NBAS: variants seen among roughly 807,000 people sequenced by gnomAD.
NBAS encodes NAG/BC035112 fusion.
A neutral mutation model predicts 302.5 loss-of-function variants in NBAS; 219 were observed. The observed-to-expected ratio is 0.72, with a 90% confidence interval of 0.65 to 0.81. NBAS has a LOEUF of 0.81. Among genes scored for constraint, NBAS ranks in the 30% least tolerant of loss-of-function variants. The pLI is 0.00. For missense variants in NBAS, 2,932 were observed against 2,841.6 expected (o/e 1.03, Z -0.72); for synonymous variants, 1,118 against 1,021.6 (o/e 1.09, Z -1.80).
chr2:15,553,861 T>C (rs1573009068), intron 4 of NBAS, among the ~76,000 whole-genome samples, 200 bp downstream of exon 4: 1 of 74,444 alleles, frequency 1.3e-5, no homozygotes, highest in African/African-American at 3.9e-5. Flanking sequence ...TCTCCCTCCC[T>C]CCCTCTCTCC....
intron 8 of NBAS, among the ~76,000 whole-genome samples, chr2:15,535,121 T>C (rs923613962): frequency 6.6e-6 from 1 of 152,160 alleles, no homozygotes; most frequent in African/African-American, 2.4e-5. Flanking sequence ...AAAGAAGACT[T>C]AGATAAAAGA....
the NBAS span, among the ~76,000 whole-genome samples, chr2:14,840,706 G>GA: frequency 6.6e-6 from 1 of 150,998 alleles, no homozygotes; most frequent in Non-Finnish European, 1.5e-5. Context: ...GTAAATGAGA[G>GA]AAAAAATCTT....
chr2:15,097,252 G>C, the NBAS span, among the ~76,000 whole-genome samples: 2 of 152,122 alleles, frequency 1.3e-5, no homozygotes, highest in East Asian at 3.9e-4. Context: ...ACAGCTGCTG[G>C]GGTGGGGGAC....
intron 36 of NBAS, among the ~76,000 whole-genome samples, chr2:15,330,296 T>C (rs1247538677): frequency 6.6e-6 from 1 of 152,190 alleles, no homozygotes; most frequent in Admixed American, 6.5e-5. Context: ...TACCAGTCTG[T>C]AGAAATAATA....
chr2:15,396,253 G>A (rs1485030005), intron 27 of NBAS, among the ~76,000 whole-genome samples, 160 bp downstream of exon 27: 1 of 152,018 alleles, frequency 6.6e-6, no homozygotes, highest in Admixed American at 6.6e-5. Flanking sequence ...TACAATAGGG[G>A]TGCAGTGTAT....
chr2:15,379,734 G>T lies in NBAS; in HGVS notation c.3458C>A (p.Ala1153Asp). Reference sequence around the variant, plus strand: ...GGGTTTCCCTTTATGGGCTATACCAGCTGGAGGATTTTCTGAACAAGCACT... The same window carrying T: ...GGGTTTCCCTTTATGGGCTATACCATCTGGAGGATTTTCTGAACAAGCACT... ...HCSACSENPP[A>D]GIAHKGKPHY... Residue 1153 changes from alanine to aspartate, a missense_variant, in exon 30 of 52, where the codon GCT becomes GAT. Coordinates refer to ENST00000281513, the MANE Select transcript of NBAS (RefSeq NM_015909.4). 6.2e-7 allele frequency: 1 copy of T among 1,614,048 alleles called. No homozygotes were observed. The highest frequency in any genetic ancestry group is 8.5e-7 in the Non-Finnish European group (1 of 1,180,000).
chr2:14,926,752 T>G, the NBAS span, among the ~76,000 whole-genome samples: 1 of 152,170 alleles, frequency 6.6e-6, no homozygotes, highest in Admixed American at 6.5e-5. Context: ...CCTGTACCCA[T>G]GAAACACCAA....
At chr2:15,294,427 A>G (rs1193830359) in intron 40 of NBAS, among the ~76,000 whole-genome samples, 1 of 152,232 alleles carries the variant, frequency 6.6e-6, no homozygotes, top group Non-Finnish European at 1.5e-5. Flanking sequence ...GCATATAAAC[A>G]GTATTCCTGG....
intron 35 of NBAS, among the ~76,000 whole-genome samples, chr2:15,335,098 A>C (rs576854106): frequency 1.3e-5 from 2 of 149,634 alleles, no homozygotes; most frequent in Non-Finnish European, 3.0e-5. Context: ...GCACTTCGGG[A>C]GGTCAAAGTG....
chr2:15,190,104 C>T (rs1401428638), intron 49 of NBAS, among the ~76,000 whole-genome samples, 160 bp downstream of exon 49: 2 of 152,114 alleles, frequency 1.3e-5, no homozygotes, highest in Admixed American at 1.3e-4. Flanking sequence ...AAAGACATTG[C>T]AATATTTCAA....
chr2:14,936,275 G>T, the NBAS span, among the ~76,000 whole-genome samples: 4 of 152,130 alleles, frequency 2.6e-5, no homozygotes, highest in African/African-American at 9.7e-5. Flanking sequence ...AAATTCTGTT[G>T]GCACAAACTG....
At chr2:15,066,872 A>T in the NBAS span, among the ~76,000 whole-genome samples, 2 of 152,192 alleles carry the variant, frequency 1.3e-5, no homozygotes, top group African/African-American at 4.8e-5. Context: ...CAAAGGAAAT[A>T]AAATCAGAAT....
At chr2:15,533,503 T>C (rs982893108) in intron 9 of NBAS, among the ~76,000 whole-genome samples, 5 of 152,228 alleles carry the variant, frequency 3.3e-5, no homozygotes, top group Non-Finnish European at 2.9e-5. Flanking sequence ...GAGACTTGTA[T>C]GTCTTCTGTG....
intron 34 of NBAS, among the ~76,000 whole-genome samples, chr2:15,353,193 G>A (rs1673450909): frequency 6.6e-6 from 1 of 151,948 alleles, no homozygotes; most frequent in African/African-American, 2.4e-5. Context: ...GATCCCTAAG[G>A]GAATGGTTGC....
chr2:15,343,347 G>A (rs73197072), intron 35 of NBAS, among the ~76,000 whole-genome samples: 2,621 of 152,138 alleles, frequency 0.017, 85 homozygotes, highest in African/African-American at 0.06. Flanking sequence ...CAATACTACA[G>A]AATCATTAGA....
chr2:15,504,809 C>T (rs1379736781), intron 10 of NBAS, among the ~76,000 whole-genome samples: 1 of 152,108 alleles, frequency 6.6e-6, no homozygotes, highest in Admixed American at 6.6e-5. Context: ...TTGGTGGTTC[C>T]TCAAAAACTT....
At position 15,467,345 on chromosome 2, in the gene NBAS, C is replaced by A; in HGVS notation, c.2081G>T (p.Arg694Leu). The A allele has an allele frequency of 6.2e-7, 1 of 1,612,280 alleles. No individual in the cohort carries two copies. Among genetic ancestry groups the A allele is most frequent in the Non-Finnish European group, 8.5e-7 (1 of 1,178,532 alleles). Residue 694 changes from arginine (R) to leucine (L), a missense_variant, in exon 19 of 52, where the codon CGA becomes CTA. Physicochemically the swap from Arg to Leu is moderately radical, Grantham distance 102. Coordinates refer to ENST00000281513, the MANE Select transcript of NBAS (RefSeq NM_015909.4). ...CRRKLLTYLD[R>L]LATYEEILGV... ...ATTCATTACCTCATATGTTGCAAGT[C>A]GATCTAAGTAGGTTAATAACTTCCG...
chr2:15,109,587 G>A, the NBAS span, among the ~76,000 whole-genome samples: 3 of 152,152 alleles, frequency 2.0e-5, no homozygotes, highest in African/African-American at 7.2e-5. Context: ...TCTGGAAGCT[G>A]GAAGGCTCAG....
Position 15,167,085 on chromosome 2 carries a change from A to G in NBAS, c.7079T>C (p.Phe2360Ser). Residue 2360 changes from phenylalanine (F) to serine (S), a missense_variant, in exon 52 of 52, where the codon TTC (phenylalanine) becomes TCC (serine). Coordinates refer to ENST00000281513, the MANE Select transcript of NBAS (RefSeq NM_015909.4). ...VRGTHQAFRT[F>S]STALRAAQHW... Reference sequence around the variant, plus strand: ...CTGTGCTGCGCGGAGGGCTGTACTGAAGGTTCTGAAGGCCTGGTGAGTCCC... The same window carrying G: ...CTGTGCTGCGCGGAGGGCTGTACTGGAGGTTCTGAAGGCCTGGTGAGTCCC... 2 of 1,610,150 alleles carry G rather than the reference A, an allele frequency of 1.2e-6. No individual in the cohort carries two copies. Among genetic ancestry groups the G allele is most frequent in the Non-Finnish European group, 1.7e-6 (2 of 1,177,504 alleles).
Sources: allele counts gnomAD v4.1 joint callset (sites outside exome capture counted in the v4.1 genomes callset), GRCh38; gene constraint gnomAD v4.1.1; transcripts MANE v1.5; gene names NCBI Gene and HGNC (gene_info 2026-07-23, HGNC 2026-07-21).